The following THSD7A variants were observed in gnomAD, a reference collection of about 807,000 sequenced individuals.
The protein encoded by THSD7A is thrombospondin type 1 domain containing 7A.
THSD7A carries 96 observed loss-of-function variants against 231.3 expected under a neutral mutation model. That is an observed-to-expected ratio of 0.41 (90% CI 0.35 to 0.49). THSD7A has a LOEUF of 0.49. Among genes scored for constraint, THSD7A ranks in the 20% least tolerant of loss-of-function variants. The probability of loss-of-function intolerance (pLI) is 0.05; values close to 1 mark genes in which losing one functional copy is unlikely to be tolerated. For missense variants in THSD7A, 2,290 were observed against 2,070.2 expected, an observed-to-expected ratio of 1.11 and a Z score of -2.06; for synonymous variants, 940 against 743.3, an observed-to-expected ratio of 1.26 and a Z score of -4.30.
chr7:11,606,772 A>G (rs918912914), intron 2 of THSD7A, among the ~76,000 whole-genome samples: 15 of 152,104 alleles, frequency 9.9e-5, no homozygotes, highest in Non-Finnish European at 1.6e-4. Flanking sequence ...TAAAATATTC[A>G]TTTTGTGTAA....
intron 6 of THSD7A, among the ~76,000 whole-genome samples, chr7:11,501,404 A>G (rs1787331830): frequency 6.6e-6 from 1 of 152,230 alleles, no homozygotes; most frequent in South Asian, 2.1e-4. Context: ...AACAAATGTA[A>G]AGGAACCAAA....
At chr7:11,719,277 CCTTGGAG>C (rs1781260528) in intron 1 of THSD7A, among the ~76,000 whole-genome samples, 1 of 151,548 alleles carries the variant, frequency 6.6e-6, no homozygotes, top group Non-Finnish European at 1.5e-5. Flanking sequence ...CACCCTACGC[CCTTGGAG>C]TTCTCTCAGG....
chr7:11,769,634 T>G (rs1182843415), intron 1 of THSD7A, among the ~76,000 whole-genome samples: 2 of 152,152 alleles, frequency 1.3e-5, no homozygotes, highest in African/African-American at 4.8e-5. Flanking sequence ...CTTTTCCCCA[T>G]GTAATTTTGT....
intron 1 of THSD7A, among the ~76,000 whole-genome samples, chr7:11,821,933 G>C (rs894860174): frequency 2.6e-5 from 4 of 152,112 alleles, no homozygotes; most frequent in African/African-American, 9.7e-5. Context: ...CTTTTCTGGA[G>C]GATGCAATGG....
intron 6 of THSD7A, among the ~76,000 whole-genome samples, chr7:11,529,696 C>T (rs906071314): frequency 6.6e-6 from 1 of 152,092 alleles, no homozygotes; most frequent in African/African-American, 2.4e-5. Context: ...GCCTCTTCAG[C>T]CATGTAGAAC....
chr7:11,729,751 C>T (rs916473817), intron 1 of THSD7A, among the ~76,000 whole-genome samples: 8 of 151,524 alleles, frequency 5.3e-5, no homozygotes, highest in East Asian at 2.0e-4. Flanking sequence ...GCAGGTGATA[C>T]GGAAATACTG....
rs150747846 is a variant in THSD7A, at chr7:11,562,951, G to A, written c.1454-19834C>T. Among the ~76,000 whole-genome samples the A allele has an allele frequency of 2.2e-3, 340 of 152,280 alleles. 2 individuals are homozygous for A. The highest frequency in any genetic ancestry group is 4.3e-3 in the Non-Finnish European group (293 of 68,028). On this transcript the variant is annotated intron_variant, in intron 4 of 27. Coordinates refer to ENST00000423059, the MANE Select transcript of THSD7A (RefSeq NM_015204.3). ...CCAAAGCAGTTTTAATTTCAAGAAG[G>A]TTCTATGGATGATTTGCTCAAAGCT...
chr7:11,755,077 C>G (rs922061044), intron 1 of THSD7A, among the ~76,000 whole-genome samples: 10 of 152,056 alleles, frequency 6.6e-5, no homozygotes, highest in African/African-American at 2.4e-4. Flanking sequence ...CACTTTGCCT[C>G]TGAGAAGCCA....
intron 1 of THSD7A, among the ~76,000 whole-genome samples, chr7:11,686,751 T>A (rs1780070327): frequency 2.0e-5 from 3 of 151,910 alleles, no homozygotes; most frequent in Admixed American, 6.6e-5. Context: ...AAATACTGCA[T>A]GTTCTCATTT....
At chr7:11,492,157 T>C (rs994864515) in intron 6 of THSD7A, among the ~76,000 whole-genome samples, 2 of 151,946 alleles carry the variant, frequency 1.3e-5, no homozygotes, top group Admixed American at 6.6e-5. Flanking sequence ...CCATTTTCTA[T>C]CCTCTATTTG....
chr7:11,531,172 C>G (rs557405178), intron 6 of THSD7A, among the ~76,000 whole-genome samples: 1 of 152,290 alleles, frequency 6.6e-6, no homozygotes, highest in East Asian at 1.9e-4. Context: ...TTTTCCTCAA[C>G]TAGTGTAATT....
chr7:11,822,079 T>G (rs1784891098), intron 1 of THSD7A, among the ~76,000 whole-genome samples: 2 of 152,132 alleles, frequency 1.3e-5, no homozygotes, highest in Admixed American at 1.3e-4. Flanking sequence ...ATAGGGTACA[T>G]GCGCAATTTT....
Position 11,831,657 on chromosome 7 carries a change from C to A in THSD7A, c.190+100G>T. 1.2e-6 allele frequency: 1 copy of A among 844,604 alleles called. No individual in the cohort carries two copies. The allele number at this position is 844,604 out of a possible 1,614,324, so 52.3% of individuals were successfully genotyped here. A position where few individuals can be genotyped will look rare whatever the true frequency, so the allele number is the denominator to read the frequency against. On this transcript the variant is annotated intron_variant, in intron 1 of 27. Transcript: ENST00000423059. This position sits in a 1 kb window ranked among gnomAD's most constrained non-coding sequence, Gnocchi z 5.0. ...TTTTACCTTAGGATACCAGCATAAC[C>A]AAGCCATCCAAAAGCACCGGGGTCC...
At chr7:11,563,930 T>A (rs1039062572) in intron 4 of THSD7A, among the ~76,000 whole-genome samples, 1 of 152,160 alleles carries the variant, frequency 6.6e-6, no homozygotes, top group African/African-American at 2.4e-5. Context: ...TCACAAATCA[T>A]ATTTTTAAAA....
At chr7:11,545,580 A>T (rs115403320) in intron 4 of THSD7A, among the ~76,000 whole-genome samples, 2,047 of 152,240 alleles carry the variant, frequency 0.013, 57 homozygotes, top group African/African-American at 0.047. Flanking sequence ...GGAAGCTGGG[A>T]ACTCTGCACT....
At chr7:11,578,489 C>G (rs577138997) in intron 4 of THSD7A, among the ~76,000 whole-genome samples, 1 of 151,990 alleles carries the variant, frequency 6.6e-6, no homozygotes, top group Non-Finnish European at 1.5e-5. Context: ...GTAAATGTAC[C>G]CAGACCTCTG....
chr7:11,371,080 C>T lies in THSD7A; in HGVS notation c.*4714G>A, dbSNP rs1029178304. On this transcript the variant is annotated 3_prime_UTR_variant, in exon 28 of 28. Transcript: ENST00000423059. ...AACATGACTCCCACAAACTAAAGCT[C>T]TTCATATACTGCCCATTTTTAAGAT... is the stretch of plus-strand genomic sequence containing the variant. 2 of 152,146 alleles carry T rather than the reference C, an allele frequency of 1.3e-5. No homozygotes were observed. The highest frequency in any genetic ancestry group is 1.3e-4 in the Admixed American group (2 of 15,272). The allele number at this position is 152,146 out of a possible 1,614,324, so 9.4% of individuals were successfully genotyped here. A position where few individuals can be genotyped will look rare whatever the true frequency, so the allele number is the denominator to read the frequency against.
At chr7:11,798,674 T>G (rs908734218) in intron 1 of THSD7A, among the ~76,000 whole-genome samples, 3 of 152,142 alleles carry the variant, frequency 2.0e-5, no homozygotes, top group Non-Finnish European at 4.4e-5. Context: ...AATGTGAACA[T>G]ACTTTTATGC....
intron 4 of THSD7A, among the ~76,000 whole-genome samples, chr7:11,548,930 C>G (rs919466325): frequency 2.0e-5 from 3 of 151,544 alleles, no homozygotes; most frequent in Non-Finnish European, 4.4e-5. Flanking sequence ...ACCTTGAGAA[C>G]TGGAACAAGA....
Sources: gnomAD v4.1 joint callset for allele counts (sites outside exome capture counted in the v4.1 genomes callset) on GRCh38, gnomAD v4.1.1 for gene constraint, Gnocchi (gnomAD v3.1) non-coding constraint, MANE v1.5 for transcripts, NCBI Gene and HGNC (gene_info 2026-07-23, HGNC 2026-07-21) for gene names.